Variants in INKA2 observed in about 807,000 individuals in gnomAD.
The protein encoded by INKA2 is PAK4-inhibitor INKA2.
A neutral mutation model predicts 9.8 loss-of-function variants in INKA2; 3 were observed. The ratio of observed to expected loss-of-function variants is 0.31; its 90% CI spans 0.14 to 0.79. INKA2 has a LOEUF of 0.79. INKA2 is among the 30% of genes least tolerant of loss of function. The probability of loss-of-function intolerance (pLI) is 0.62; values close to 1 mark genes in which losing one functional copy is unlikely to be tolerated. For missense variants in INKA2, 392 were observed against 384.4 expected (o/e 1.02, Z -0.17); for synonymous variants, 147 against 143.3 (o/e 1.03, Z -0.18).
At chr1:111,746,337 G>A (rs528682610) in intron 1 of INKA2, 2 of 152,376 alleles carry the variant, frequency 1.3e-5, no homozygotes, top group South Asian at 2.1e-4. Context: ...CTTAACAAGT[G>A]AAGATGCATA....
chr1:111,753,253 C>T (rs1186586677), intron 1 of INKA2: 4 of 152,170 alleles, frequency 2.6e-5, no homozygotes, highest in Non-Finnish European at 5.9e-5. Flanking sequence ...AGATGGGCTG[C>T]TCTGCCAGAG....
intron 1 of INKA2, among the ~76,000 whole-genome samples, chr1:111,736,299 T>C (rs1663006587): frequency 2.0e-5 from 3 of 152,134 alleles, no homozygotes; most frequent in African/African-American, 7.2e-5. Flanking sequence ...ACTTATCAAC[T>C]AATTGAGTCA....
chr1:111,738,499 C>T (rs1663056905), intron 1 of INKA2, among the ~76,000 whole-genome samples: 1 of 152,220 alleles, frequency 6.6e-6, no homozygotes, highest in African/African-American at 2.4e-5. Flanking sequence ...GGCTGGGCCT[C>T]CGCAGCTCCC....
chr1:111,748,291 C>T (rs2101395903), intron 1 of INKA2, among the ~76,000 whole-genome samples: 1 of 152,342 alleles, frequency 6.6e-6, no homozygotes, highest in East Asian at 1.9e-4. Context: ...GCAGTGTGTG[C>T]CAGGGCAGGA....
Position 111,739,317 on chromosome 1 carries a change from G to A in INKA2, c.-75C>T, listed in dbSNP as rs1040250956. 4.5e-5 allele frequency: 72 copies of A among 1,593,456 alleles called. No homozygotes were observed. The highest frequency in any genetic ancestry group is 5.5e-5 in the Non-Finnish European group (64 of 1,170,132). Reference sequence around the variant, plus strand: ...CCGGCCCCACTGGAAACTGCGCTCCGGGCCGGCTCCCCGCCCCTGCGCCCG... The same window carrying A: ...CCGGCCCCACTGGAAACTGCGCTCCAGGCCGGCTCCCCGCCCCTGCGCCCG... On this transcript the variant is annotated 5_prime_UTR_variant, in exon 1 of 2. Coordinates refer to ENST00000357260, the MANE Select transcript of INKA2 (RefSeq NM_019099.5).
At chr1:111,734,011 G>A (rs965585635) in intron 1 of INKA2, among the ~76,000 whole-genome samples, 1 of 152,240 alleles carries the variant, frequency 6.6e-6, no homozygotes, top group African/African-American at 2.4e-5. Context: ...GAGGCTGAGG[G>A]CCGGAAATGG....
chr1:111,728,038 T>TACACACACACAC (rs60867844), intron 1 of INKA2, among the ~76,000 whole-genome samples: 2,468 of 109,416 alleles, frequency 0.023, 83 homozygotes, highest in African/African-American at 0.055. Context: ...CCCCACCCCA[T>TACACACACACAC]ACACACACAC....
intron 1 of INKA2, among the ~76,000 whole-genome samples, chr1:111,738,855 G>A (rs1663068315): frequency 6.6e-6 from 1 of 152,162 alleles, no homozygotes. Flanking sequence ...CGGCGCGGGG[G>A]CCCCACTGCG....
intron 1 of INKA2, chr1:111,745,291 ATATTTTTTTTTT>A (rs1449432168): frequency 1.0e-4 from 5 of 49,358 alleles, no homozygotes; most frequent in African/African-American, 4.7e-4. Flanking sequence ...ATATATATAT[ATATTTTTTTTTT>A]TTTTTTTTTT....
At chr1:111,746,481 A>G (rs188695679) in intron 1 of INKA2, 8 of 152,340 alleles carry the variant, frequency 5.3e-5, no homozygotes, top group African/African-American at 1.9e-4. Flanking sequence ...GGCAATAGAG[A>G]GTGAATAATG....
intron 1 of INKA2, chr1:111,755,391 T>C (rs1231951381): frequency 4.4e-6 from 2 of 451,936 alleles, no homozygotes; most frequent in Middle Eastern, 5.9e-4. Context: ...CACCAGCCAA[T>C]GTGGTAAATA....
intron 1 of INKA2, among the ~76,000 whole-genome samples, chr1:111,735,160 T>C (rs1188386328): frequency 6.6e-6 from 1 of 152,260 alleles, no homozygotes; most frequent in Admixed American, 6.5e-5. Flanking sequence ...ATCATTATTA[T>C]ATCTTCTATT....
intron 1 of INKA2, among the ~76,000 whole-genome samples, chr1:111,749,356 GC>G (rs1013708317): frequency 6.6e-6 from 1 of 152,144 alleles, no homozygotes; most frequent in African/African-American, 2.4e-5. Context: ...AAGAGGAGAT[GC>G]CACCTGAGCC....
chr1:111,750,628 C>G (rs1663386426), intron 1 of INKA2, among the ~76,000 whole-genome samples: 1 of 152,120 alleles, frequency 6.6e-6, no homozygotes, highest in South Asian at 2.1e-4. Context: ...ACCTAAAGTC[C>G]TAGGAACTGC....
In INKA2 at chr1:111,739,387, C is replaced by T; in HGVS notation, c.-145G>A. ...CTGAGCCTGCGCTCCGAGCCCGGGA[C>T]TCAGAGTCGCTTCCCCAGCGGCTAG... On this transcript the variant is annotated 5_prime_UTR_variant, in exon 1 of 2. Coordinates refer to ENST00000357260, the MANE Select transcript of INKA2 (RefSeq NM_019099.5). The T allele has an allele frequency of 6.7e-7, 1 of 1,491,814 alleles. No homozygotes were observed. Among genetic ancestry groups the T allele is most frequent in the South Asian group, 1.3e-5 (1 of 75,694 alleles). 92.4% of individuals were successfully genotyped at this position (1,491,814 alleles called of 1,614,324 possible).
rs763161009 is a variant in INKA2 at position 111,727,676 on chromosome 1, A to G, written c.186T>C (p.Pro62=). 4 of 1,612,260 alleles carry G rather than the reference A, an allele frequency of 2.5e-6. No individual in the cohort carries two copies. The South Asian group carries it at 4.4e-5, about 18-fold the overall frequency. Residue 62 remains proline (P), a synonymous_variant, in exon 2 of 2, where the codon CCT becomes CCC. Transcript: ENST00000357260. The stretch of plus-strand genomic sequence containing the variant: ...TGGGACCTTCAGGGCTGCCTGGCAC[A>G]GGACCCCCTCCAGAGATCTCCAGCT... ...LEQLEISGGG[P]VPGSPEGPRT... is the part of the protein sequence containing the mutation.
At chr1:111,753,080 T>C (rs1009721691) in intron 1 of INKA2, 15 of 148,424 alleles carry the variant, frequency 1.0e-4, no homozygotes, top group African/African-American at 3.7e-4. Flanking sequence ...CCATTCTGAG[T>C]CTAAGTGTCA....
chr1:111,736,128 C>A (rs1663003527), intron 1 of INKA2, among the ~76,000 whole-genome samples: 1 of 152,174 alleles, frequency 6.6e-6, no homozygotes, highest in African/African-American at 2.4e-5. Context: ...TCTTTGGCGG[C>A]TGGAGGGAGA....
At position 111,723,731 on chromosome 1, in the gene INKA2, G is replaced by A. The variant is rs1464425899; in HGVS notation, c.*3237C>T. 5 of 152,328 alleles carry A rather than the reference G, an allele frequency of 3.3e-5. No homozygotes were observed. The highest frequency in any genetic ancestry group is 1.2e-4 in the African/African-American group (5 of 41,420). The allele number at this position is 152,328 out of a possible 1,614,324, so 9.4% of individuals were successfully genotyped here. On this transcript the variant is annotated 3_prime_UTR_variant, in exon 2 of 2. Coordinates refer to ENST00000357260, the MANE Select transcript of INKA2 (RefSeq NM_019099.5). ...CTCCCTACACCTTCCTGTATACTTAGGCCCTAGGCATTTGCATTCACCTCT... is the reference window on the plus strand; with the variant it reads ...CTCCCTACACCTTCCTGTATACTTAAGCCCTAGGCATTTGCATTCACCTCT...
Sources: gnomAD v4.1 joint callset for allele counts (sites outside exome capture counted in the v4.1 genomes callset) on GRCh38, gnomAD v4.1.1 for gene constraint, MANE v1.5 for transcripts, NCBI Gene and HGNC (gene_info 2026-07-23, HGNC 2026-07-21) for gene names.